Variants in PLCXD1 observed in about 807,000 individuals in gnomAD.
PLCXD1 encodes PI-PLC X domain-containing protein 1.
In PLCXD1, 45 loss-of-function variants were observed where a neutral mutation model predicts 37.8. The observed-to-expected ratio is 1.19, with a 90% CI of 0.94 to 1.53. PLCXD1 has a LOEUF of 1.53. Among genes scored for constraint, PLCXD1 ranks in the 40% most tolerant of loss-of-function variants. The pLI is 0.00. For missense variants in PLCXD1, 539 were observed against 454.7 expected, an observed-to-expected ratio of 1.19 and a Z score of -1.69; for synonymous variants, 246 against 206.9, an observed-to-expected ratio of 1.19 and a Z score of -1.62.
At chrX:298,973 G>C (rs2069903951) in intron 6 of PLCXD1, 124 bp from the exon 7 acceptor site, 1 of 764,452 alleles carries the variant, frequency 1.3e-6, no homozygotes, top group East Asian at 2.6e-5. Flanking sequence ...CAATTTCCTT[G>C]TTGGACATGG....
intron 2 of PLCXD1, among the ~76,000 whole-genome samples, chrX:287,432 GATAT>G (rs1006568860): frequency 7.3e-6 from 1 of 137,248 alleles, no homozygotes; most frequent in African/African-American, 2.7e-5. Context: ...TTTATATATA[GATAT>G]ATATACACTA....
chrX:278,644 TAGG>T (rs1312836776), upstream of PLCXD1, among the ~76,000 whole-genome samples: 2 of 147,348 alleles, frequency 1.4e-5, no homozygotes, highest in South Asian at 2.1e-4. Context: ...GAGGCTGAGA[TAGG>T]AGAATTGCTT....
chrX:286,758 C>A (rs1344803563), intron 2 of PLCXD1, among the ~76,000 whole-genome samples: 1 of 152,138 alleles, frequency 6.6e-6, no homozygotes, highest in Non-Finnish European at 1.5e-5. Flanking sequence ...ATTATTTTAA[C>A]TCCCAGGGCT....
In PLCXD1 at chrX:301,727, G is replaced by A. The variant is rs997236644; in HGVS notation, c.*2392G>A. 2.0e-5 allele frequency: 3 copies of A among 152,256 alleles called. No homozygotes were observed. Among genetic ancestry groups the A allele is most frequent in the East Asian group, 3.9e-4 (2 of 5,192 alleles). 9.4% of individuals were successfully genotyped at this position (152,256 alleles called of 1,614,324 possible). On this transcript the variant is annotated 3_prime_UTR_variant, in exon 7 of 7. Transcript: ENST00000381657. ...TGCAACCTCTGCCTCCCAGGTTCAAGCAATTCTTGTGCCTCAGCCTCCTGA... is the reference window on the plus strand; with the variant it reads ...TGCAACCTCTGCCTCCCAGGTTCAAACAATTCTTGTGCCTCAGCCTCCTGA...
chrX:299,180 A>G lies in PLCXD1; in HGVS notation c.817A>G (p.Thr273Ala), dbSNP rs1364155771. The part of the protein sequence containing the change: ...AHPSESLEKM[T>A]LPNLPRLSAW... ...CCCGTCCGAGTCCCTGGAGAAGATG[A>G]CGCTGCCCAACCTTCCGCGGCTGAG... Residue 273 changes from threonine (T) to alanine (A), a missense_variant, in exon 7 of 7, where the codon ACG (threonine) becomes GCG (alanine). Transcript: ENST00000381657. The G allele has an allele frequency of 3.1e-6, 5 of 1,613,868 alleles. No homozygotes were observed. Among genetic ancestry groups the G allele is most frequent in the South Asian group, 1.1e-5 (1 of 91,068 alleles).
upstream of PLCXD1, among the ~76,000 whole-genome samples, chrX:276,630 C>G (rs1040772911): frequency 6.6e-6 from 1 of 152,126 alleles, no homozygotes; most frequent in Admixed American, 6.5e-5. Context: ...CCTTGCAGAC[C>G]GTGAATTCTC....
chrX:291,688 C>T lies in PLCXD1; in HGVS notation c.549+34C>T, dbSNP rs201589479. 2.2e-4 allele frequency: 358 copies of T among 1,606,972 alleles called. 2 individuals carry two copies. Among genetic ancestry groups the T allele is most frequent in the South Asian group, 1.1e-3 (99 of 90,868 alleles). Reference sequence around the variant, plus strand: ...GGGAAGGATATCCGCACGTCTCTCCCGGGGCAGGGGCATCGTCAGCCTCAG... The same window carrying T: ...GGGAAGGATATCCGCACGTCTCTCCTGGGGCAGGGGCATCGTCAGCCTCAG... On this transcript the variant is annotated intron_variant, in intron 5 of 6. Coordinates refer to ENST00000381657, the MANE Select transcript of PLCXD1 (RefSeq NM_018390.4).
rs373362653 is a variant in PLCXD1, at chrX:288,691, C to T, written c.128-42C>T. 325 of 1,610,044 alleles carry T rather than the reference C, an allele frequency of 2.0e-4. 1 individual carries two copies. The South Asian group carries it at 2.8e-3, about 14-fold the overall frequency. On this transcript the variant is annotated intron_variant, in intron 2 of 6. Coordinates refer to ENST00000381657, the MANE Select transcript of PLCXD1 (RefSeq NM_018390.4). Reference sequence around the variant, plus strand: ...AGCGACTCACAGCAGGTGGCGGGGACGGACTCGTGGTGACATGTCCGCGTG... The same window carrying T: ...AGCGACTCACAGCAGGTGGCGGGGATGGACTCGTGGTGACATGTCCGCGTG...
chrX:289,173 C>G (rs1293494183), intron 3 of PLCXD1, among the ~76,000 whole-genome samples: 1 of 152,112 alleles, frequency 6.6e-6, no homozygotes, highest in Non-Finnish European at 1.5e-5. Context: ...CTGCAACCTC[C>G]GCTGCCTGGG....
At chrX:285,696 C>T in intron 2 of PLCXD1, among the ~76,000 whole-genome samples, 2 of 152,238 alleles carry the variant, frequency 1.3e-5, no homozygotes, top group South Asian at 4.1e-4. Context: ...AACACAGGTA[C>T]ATGTTTAAAC....
At chrX:288,598 C>G (rs1186867422) in intron 2 of PLCXD1, 135 bp from the exon 3 acceptor site, 1 of 924,668 alleles carries the variant, frequency 1.1e-6, no homozygotes, top group Admixed American at 1.8e-5. Context: ...GGTCAGCGTG[C>G]ACCCCTCCCG....
intron 5 of PLCXD1, 140 bp from the exon 6 acceptor site, chrX:292,895 C>A: frequency 1.7e-6 from 1 of 574,748 alleles, no homozygotes; most frequent in Non-Finnish European, 3.1e-6. Flanking sequence ...TTACAGGCGT[C>A]AGCCACTGCG....
chrX:284,435 A>C lies in PLCXD1; in HGVS notation c.127+121A>C, dbSNP rs377359767. ...TGGCTGTAGGAGCAATCCTGGGTGT[A>C]GGGAAATCCTAGAAAGCACACTGAT... On this transcript the variant is annotated intron_variant, in intron 2 of 6. Coordinates refer to ENST00000381657, the MANE Select transcript of PLCXD1 (RefSeq NM_018390.4). 41 of 1,116,066 alleles carry C rather than the reference A, an allele frequency of 3.7e-5. No homozygotes were observed. The East Asian group carries it at 9.3e-4, about 25-fold the overall frequency. 69.1% of individuals were successfully genotyped at this position (1,116,066 alleles called of 1,614,324 possible). A position where few individuals can be genotyped will look rare whatever the true frequency, so the allele number is the denominator to read the frequency against.
At chrX:295,527 C>CTT (rs746610594) in intron 6 of PLCXD1, among the ~76,000 whole-genome samples, 5 of 144,268 alleles carry the variant, frequency 3.5e-5, no homozygotes, top group Non-Finnish European at 4.6e-5. Context: ...TCAGAAATGT[C>CTT]TTTTTTTTTT....
At position 293,122 on chromosome X, in the gene PLCXD1, G is replaced by T; in HGVS notation, c.637G>T (p.Glu213Ter). ...EDESSLRRHHELWPGVPYWWG... is the reference protein window; with the variant it reads ...EDESSLRRHH ...CGAGAGCTCCTTGCGCCGGCACCAC[G>T]AGCTGTGGCCAGGAGTCCCCTACTG... The change falls in exon 6 of 7, where the codon GAG becomes TAG. Residue 213 changes from glutamate (E) to a stop codon, truncating the protein, a stop_gained. Coordinates refer to ENST00000381657, the MANE Select transcript of PLCXD1 (RefSeq NM_018390.4). LOFTEE classifies it high-confidence loss of function. The T allele has an allele frequency of 6.2e-7, 1 of 1,612,426 alleles. No homozygotes were observed. Among genetic ancestry groups the T allele is most frequent in the Non-Finnish European group, 8.5e-7 (1 of 1,179,680 alleles).
chrX:279,860 TTG>T (rs2069225744), upstream of PLCXD1, among the ~76,000 whole-genome samples: 1 of 152,148 alleles, frequency 6.6e-6, no homozygotes, highest in South Asian at 2.1e-4. Flanking sequence ...CGAAGGTTTT[TTG>T]TTTTTGAACG....
chrX:290,825 G>A (rs199500892), intron 4 of PLCXD1, 49 bp downstream of exon 4: 168 of 1,565,776 alleles, frequency 1.1e-4, no homozygotes, highest in Admixed American at 8.7e-4. Context: ...GGAGGCGGCC[G>A]GGCACTGGTG....
intron 6 of PLCXD1, among the ~76,000 whole-genome samples, chrX:295,234 C>A (rs1319074335): frequency 2.0e-5 from 3 of 152,052 alleles, no homozygotes; most frequent in Non-Finnish European, 4.4e-5. Context: ...AAAAAAGCCA[C>A]CGACGGGGTG....
chrX:287,050 G>A (rs1048377225), intron 2 of PLCXD1, among the ~76,000 whole-genome samples: 16 of 151,992 alleles, frequency 1.1e-4, no homozygotes, highest in Middle Eastern at 3.2e-3. Context: ...AAGGCCGGGC[G>A]TGGTGGCTCA....
Sources: allele counts gnomAD v4.1 joint callset (sites outside exome capture counted in the v4.1 genomes callset), GRCh38; gene constraint gnomAD v4.1.1; transcripts MANE v1.5; gene names NCBI Gene and HGNC (gene_info 2026-07-23, HGNC 2026-07-21).